The following PPM1F variants were observed in gnomAD, a reference collection of about 807,000 sequenced individuals.
The protein encoded by PPM1F is protein phosphatase 1F.
Under a neutral mutation model 35.5 loss-of-function variants are expected in PPM1F, and 17 were observed. That is an observed-to-expected ratio of 0.48 (90% CI 0.33 to 0.72). The LOEUF (loss-of-function observed/expected upper bound fraction) is 0.72, where lower values mean the gene tolerates loss of function less well. PPM1F is among the 30% of genes least tolerant of loss of function. The pLI is 0.02. For synonymous variants in PPM1F, 241 were observed against 255.5 expected, an observed-to-expected ratio of 0.94 and a Z score of 0.54; for missense variants, 521 against 613.0, an observed-to-expected ratio of 0.85 and a Z score of 1.59.
rs1239249768 is a variant in PPM1F at position 21,933,396 on chromosome 22, G to C, written c.742C>G (p.Arg248Gly). Reference sequence around the variant, plus strand: ...GCCCAGCGGCCAGTCCTCACCTCTCGCTTGGCTTTCCTGAGAAACATCTGG... The same window carrying C: ...GCCCAGCGGCCAGTCCTCACCTCTCCCTTGGCTTTCCTGAGAAACATCTGG... ...TDQMFLRKAK[R>G]ERLQSGTTGV... The change falls in exon 5 of 8, where the codon CGA becomes GGA. Residue 248 changes from arginine (R) to glycine (G), a missense_variant. Physicochemically the swap from Arg to Gly is moderately radical, Grantham distance 125. Around this residue, in one of 3 missense-constraint regions of PPM1F, gnomAD observed 311 missense variants for 351.5 expected, o/e 0.88. Coordinates refer to ENST00000263212, the MANE Select transcript of PPM1F (RefSeq NM_014634.4). The C allele has an allele frequency of 6.2e-7, 1 of 1,607,146 alleles. No homozygotes were observed. The highest frequency in any genetic ancestry group is 1.7e-5 in the Admixed American group (1 of 59,950).
chr22:21,923,733 A>C (rs1194591798), intron 7 of PPM1F, among the ~76,000 whole-genome samples: 1 of 151,860 alleles, frequency 6.6e-6, no homozygotes, highest in Non-Finnish European at 1.5e-5. Context: ...GCCAGGCTGC[A>C]GTGGCGCGAT....
chr22:21,938,052 G>A (rs746141952), intron 3 of PPM1F: 84 of 1,229,096 alleles, frequency 6.8e-5, no homozygotes, highest in Non-Finnish European at 8.1e-5. Context: ...GATCAAGGCC[G>A]CTAGGCAGGC....
chr22:21,929,467 A>G (rs2070562278), intron 6 of PPM1F, among the ~76,000 whole-genome samples: 1 of 152,216 alleles, frequency 6.6e-6, no homozygotes, highest in Non-Finnish European at 1.5e-5. Flanking sequence ...CCATCTGTCC[A>G]TGCTCTGCCA....
At chr22:21,933,182 A>C (rs2070613113) in intron 5 of PPM1F, among the ~76,000 whole-genome samples, 1 of 152,186 alleles carries the variant, frequency 6.6e-6, no homozygotes, top group Non-Finnish European at 1.5e-5. Context: ...TGTGTGGCTG[A>C]GAGGCCCACC....
chr22:21,936,058 A>C (rs562257781), intron 3 of PPM1F: 1 of 152,292 alleles, frequency 6.6e-6, no homozygotes, highest in East Asian at 1.9e-4. Context: ...ACTCCCAGCT[A>C]TTCGGGAGGC....
intron 2 of PPM1F, chr22:21,943,945 C>T (rs2070751842): frequency 6.6e-6 from 1 of 152,416 alleles, no homozygotes; most frequent in African/African-American, 2.4e-5. Context: ...CCTTCTGTCC[C>T]GGGCCTGGCT....
At position 21,934,326 on chromosome 22, in the gene PPM1F, C is replaced by T. The variant is rs537857636; in HGVS notation, c.356-100G>A. The T allele has an allele frequency of 9.4e-5, 88 of 935,552 alleles. No individual in the cohort carries two copies. The East Asian group carries it at 2.3e-3, about 24-fold the overall frequency. 58.0% of individuals were successfully genotyped at this position (935,552 alleles called of 1,614,324 possible). Reference sequence around the variant, plus strand: ...CTCCCACAGGGGCCTGCAAAGCCCCCATCACCTCCCGGGGCATTGTGAGCA... The same window carrying T: ...CTCCCACAGGGGCCTGCAAAGCCCCTATCACCTCCCGGGGCATTGTGAGCA... On this transcript the variant is annotated intron_variant, in intron 3 of 7. Transcript: ENST00000263212.
chr22:21,937,526 C>G (rs950355624), intron 3 of PPM1F: 9 of 152,764 alleles, frequency 5.9e-5, no homozygotes, highest in African/African-American at 1.9e-4. Flanking sequence ...CCCTGCAAAC[C>G]AGCAGGAAAC....
At chr22:21,934,275 C>G (rs1273328230) in intron 3 of PPM1F, 49 bp from the exon 4 acceptor site, 1 of 1,496,360 alleles carries the variant, frequency 6.7e-7, no homozygotes, top group Non-Finnish European at 9.1e-7. Flanking sequence ...ACCAAGCCAG[C>G]TGAGGCCTCG....
chr22:21,925,815 A>T, intron 6 of PPM1F, 153 bp from the exon 7 acceptor site: 1 of 533,708 alleles, frequency 1.9e-6, no homozygotes, highest in South Asian at 2.9e-5. Context: ...AGATGCACCC[A>T]AACGAGGCTC....
Position 21,923,300 on chromosome 22 carries a change from C to T in PPM1F, c.1157G>A (p.Gly386Glu), listed in dbSNP as rs758369684. ...CACCAGCTCCTCGGCGACACGGAGC[C>T]CGCTGCCCTGCTGCCTGGTCAGGTG... is the stretch of plus-strand genomic sequence containing the variant. Reference protein sequence around the residue: ...QSHLTRQQGSGLRVAEELVAA... With the variant: ...QSHLTRQQGSELRVAEELVAA... The change falls in exon 8 of 8, where the codon GGG becomes GAG. Residue 386 changes from glycine (G) to glutamate (E), a missense_variant. Coordinates refer to ENST00000263212, the MANE Select transcript of PPM1F (RefSeq NM_014634.4). 3.1e-5 allele frequency: 50 copies of T among 1,613,362 alleles called. No homozygotes were observed. The highest frequency in any genetic ancestry group is 2.6e-4 in the South Asian group (24 of 91,082).
chr22:21,946,123 C>G lies in PPM1F; in HGVS notation c.-60-15G>C. On this transcript the variant is annotated splice_polypyrimidine_tract_variant and intron_variant, in intron 1 of 7. Coordinates refer to ENST00000263212, the MANE Select transcript of PPM1F (RefSeq NM_014634.4). ...CAGGCTTCACCCTGGGGAGAAATGTCAGAGTCAGCAGAATCAGGGGGCCAT... is the reference window on the plus strand; with the variant it reads ...CAGGCTTCACCCTGGGGAGAAATGTGAGAGTCAGCAGAATCAGGGGGCCAT... The G allele has an allele frequency of 7.9e-7, 1 of 1,269,280 alleles. No homozygotes were observed. Among genetic ancestry groups the G allele is most frequent in the Middle Eastern group, 2.8e-4 (1 of 3,582 alleles). 78.6% of individuals were successfully genotyped at this position (1,269,280 alleles called of 1,614,324 possible).
At chr22:21,928,716 G>A (rs1188418869) in intron 6 of PPM1F, among the ~76,000 whole-genome samples, 1 of 152,146 alleles carries the variant, frequency 6.6e-6, no homozygotes, top group Non-Finnish European at 1.5e-5. Context: ...CTTGAGAGGT[G>A]GGAGGATCAC....
Position 21,946,257 on chromosome 22 carries a change from A to G in PPM1F, c.-60-149T>C, listed in dbSNP as rs1601792974. On this transcript the variant is annotated intron_variant, in intron 1 of 7. Transcript: ENST00000263212. ...GGACAACCCTGGCCACTGTTTTGAC[A>G]TGAGTCCAGGTGGGGACTTGTGGGC... is the stretch of plus-strand genomic sequence containing the variant. 1.1e-5 allele frequency: 5 copies of G among 437,568 alleles called. No individual in the cohort carries two copies. In the East Asian group the frequency reaches 1.4e-4, roughly 13 times the overall value. The allele number at this position is 437,568 out of a possible 1,614,324, so 27.1% of individuals were successfully genotyped here.
At chr22:21,926,016 G>A (rs1010563123) in intron 6 of PPM1F, 4 of 245,986 alleles carry the variant, frequency 1.6e-5, no homozygotes, top group African/African-American at 2.2e-5. Context: ...TCTCTAGCTC[G>A]GGGACACCGT....
In PPM1F at chr22:21,927,942, G is replaced by GTTTTTTTTTTTTTTTTTT. The variant is rs60216371; in HGVS notation, c.892-2298_892-2281dup. ...GATTCTTGATTCTGTTTTTTGTTTT[G>GTTTTTTTTTTTTTTTTTT]TTTTTTTTTTTTTTTTTTTTTTTTT... On this transcript the variant is annotated intron_variant, in intron 6 of 7. Transcript: ENST00000263212. Among the ~76,000 whole-genome samples the GTTTTTTTTTTTTTTTTTT allele has an allele frequency of 3.7e-4, 28 of 75,142 alleles. 1 individual carries two copies. The highest frequency in any genetic ancestry group is 8.3e-4 in the African/African-American group (15 of 18,156). The allele number at this position is 75,142 out of a possible 152,430, so 49.3% of individuals were successfully genotyped here.
chr22:21,926,607 G>A (rs529577546), intron 6 of PPM1F, among the ~76,000 whole-genome samples: 2 of 152,244 alleles, frequency 1.3e-5, no homozygotes, highest in East Asian at 3.9e-4. Flanking sequence ...AGGCTGCCCC[G>A]ATGAGAGCCT....
intron 3 of PPM1F, 56 bp from the exon 4 acceptor site, chr22:21,934,282 C>A: frequency 6.8e-7 from 1 of 1,461,424 alleles, no homozygotes; most frequent in Non-Finnish European, 9.3e-7. Flanking sequence ...CAGCTGAGGC[C>A]TCGCTGGCTC....
chr22:21,930,963 C>T (rs1211807227), intron 6 of PPM1F, among the ~76,000 whole-genome samples, 185 bp downstream of exon 6: 2 of 152,198 alleles, frequency 1.3e-5, no homozygotes, highest in African/African-American at 2.4e-5. Flanking sequence ...AGCTGTGACC[C>T]ACAGAGCTCT....
Sources: gnomAD v4.1 joint callset for allele counts (sites outside exome capture counted in the v4.1 genomes callset) on GRCh38, gnomAD v4.1.1 for gene constraint, gnomAD v4.1.1 regional missense constraint, MANE v1.5 for transcripts, NCBI Gene and HGNC (gene_info 2026-07-23, HGNC 2026-07-21) for gene names.